The following DLG1 variants were observed in gnomAD, a reference collection of about 807,000 sequenced individuals.
DLG1 encodes the protein disks large homolog 1.
A neutral mutation model predicts 123.4 loss-of-function variants in DLG1; 42 were observed. The observed-to-expected ratio is 0.34, with a 90% confidence interval of 0.27 to 0.44. DLG1 has a LOEUF of 0.44. DLG1 is among the 20% of genes least tolerant of loss of function. The pLI, the probability that DLG1 is intolerant of heterozygous loss-of-function variation, is 1.00. For missense variants in DLG1, 942 were observed against 1,082.6 expected (o/e 0.87, Z 1.82); for synonymous variants, 317 against 356.2 (o/e 0.89, Z 1.24).
rs181862489 is a variant in DLG1 at position 197,288,493 on chromosome 3, G to A, written c.152-5648C>T. Among the ~76,000 whole-genome samples, 66 of 151,198 alleles carry A rather than the reference G, an allele frequency of 4.4e-4. 1 individual carries two copies. The East Asian group carries it at 0.012, about 28-fold the overall frequency. On this transcript the variant is annotated intron_variant, in intron 3 of 24. Transcript: ENST00000667157. ...TCCCAGCACTTCGAGAGGCTGAGGCGGGCGGATCACCTGAGGTCAGGAGTT... is the reference window on the plus strand; with the variant it reads ...TCCCAGCACTTCGAGAGGCTGAGGCAGGCGGATCACCTGAGGTCAGGAGTT...
Position 197,217,793 on chromosome 3 carries a change from G to A in DLG1, c.319-23204C>T, listed in dbSNP as rs189679985. ...GGAGAGAAGAGAACAGGGAAGGACA[G>A]GAGGGAGGGACTGAAAAGCAGCTTT... On this transcript the variant is annotated intron_variant, in intron 4 of 24. Transcript: ENST00000667157. Among the ~76,000 whole-genome samples the A allele has an allele frequency of 8.7e-3, 1,321 of 152,306 alleles. 9 individuals are homozygous for A. Among genetic ancestry groups the A allele is most frequent in the Non-Finnish European group, 0.012 (847 of 68,020 alleles).
At chr3:197,234,057 A>G (rs1744681126) in intron 4 of DLG1, among the ~76,000 whole-genome samples, 1 of 152,254 alleles carries the variant, frequency 6.6e-6, no homozygotes, top group Non-Finnish European at 1.5e-5. Context: ...GCTGTGGCTG[A>G]GCGCCAATGA....
intron 14 of DLG1, among the ~76,000 whole-genome samples, chr3:197,100,674 G>C (rs1376677369): frequency 6.6e-6 from 1 of 152,100 alleles, no homozygotes; most frequent in Non-Finnish European, 1.5e-5. Context: ...AGTAAGAACA[G>C]GGTATGGAGA....
Position 197,138,384 on chromosome 3 carries a change from C to A in DLG1, c.721G>T (p.Asp241Tyr). 7.3e-7 allele frequency: 1 copy of A among 1,373,766 alleles called. No individual in the cohort carries two copies. The highest frequency in any genetic ancestry group is 2.3e-5 in the South Asian group (1 of 43,968). The allele number at this position is 1,373,766 out of a possible 1,614,324, so 85.1% of individuals were successfully genotyped here. ...AAQDGRLRVNDCILRVNEVDV... is the reference protein window; with the variant it reads ...AAQDGRLRVNYCILRVNEVDV... The stretch of plus-strand genomic sequence containing the variant: ...ACTTCATTTACTCGTAATATACAGT[C>A]ATTGACCCTGAGAAAACAATTAAAT... Residue 241 changes from aspartate to tyrosine, a missense_variant, in exon 9 of 25, where the codon GAC becomes TAC. By Grantham distance (160) the Asp-to-Tyr change is radical. Coordinates refer to ENST00000667157, the MANE Select transcript of DLG1 (RefSeq NM_001366207.1).
intron 5 of DLG1, among the ~76,000 whole-genome samples, chr3:197,183,287 G>C (rs981522597): frequency 6.6e-6 from 1 of 152,140 alleles, no homozygotes; most frequent in East Asian, 1.9e-4. Context: ...AAAAGGAGAT[G>C]AGCATTATTA....
At chr3:197,168,792 G>A (rs1003515145) in intron 5 of DLG1, among the ~76,000 whole-genome samples, 3 of 152,084 alleles carry the variant, frequency 2.0e-5, no homozygotes, top group South Asian at 2.1e-4. Flanking sequence ...TTGACCATGT[G>A]ACTAGCAACG....
intron 5 of DLG1, among the ~76,000 whole-genome samples, chr3:197,172,791 C>T (rs1804887635): frequency 6.6e-6 from 1 of 152,140 alleles, no homozygotes; most frequent in African/African-American, 2.4e-5. Flanking sequence ...AAAAAATTGC[C>T]AGTTTCATGT....
At chr3:197,063,912 A>C (rs1265975486) in intron 22 of DLG1, among the ~76,000 whole-genome samples, 1 of 149,968 alleles carries the variant, frequency 6.7e-6, no homozygotes, top group Non-Finnish European at 1.5e-5. Flanking sequence ...AATTTAGAGT[A>C]GTCTTCTTAA....
intron 4 of DLG1, among the ~76,000 whole-genome samples, chr3:197,272,349 T>C (rs1764269294): frequency 6.8e-6 from 1 of 147,772 alleles, no homozygotes; most frequent in Non-Finnish European, 1.5e-5. Context: ...AGACCTCCTC[T>C]AAGGAAAAAA....
intron 11 of DLG1, among the ~76,000 whole-genome samples, chr3:197,121,711 T>A (rs1776464749): frequency 6.6e-6 from 1 of 150,910 alleles, no homozygotes; most frequent in Non-Finnish European, 1.5e-5. Context: ...CTATTCTTGC[T>A]AAAAATATTT....
chr3:197,144,833 G>C (rs1206469899), intron 6 of DLG1, among the ~76,000 whole-genome samples: 1 of 152,062 alleles, frequency 6.6e-6, no homozygotes, highest in East Asian at 1.9e-4. Flanking sequence ...TTTATATAGA[G>C]AGAGTTGGGA....
At chr3:197,283,039 G>A (rs1190173327) in intron 3 of DLG1, among the ~76,000 whole-genome samples, 194 bp from the exon 4 acceptor site, 1 of 152,176 alleles carries the variant, frequency 6.6e-6, no homozygotes, top group African/African-American at 2.4e-5. Context: ...GCAGGGCACA[G>A]TGTAAAATTC....
chr3:197,062,123 T>A (rs886449568), intron 22 of DLG1, among the ~76,000 whole-genome samples: 1 of 152,218 alleles, frequency 6.6e-6, no homozygotes, highest in Non-Finnish European at 1.5e-5. Flanking sequence ...TACGTCCCAA[T>A]AAACCCATCA....
chr3:197,044,934 G>T (rs1013679724), intron 24 of DLG1, among the ~76,000 whole-genome samples: 4 of 151,946 alleles, frequency 2.6e-5, no homozygotes, highest in African/African-American at 4.8e-5. Context: ...TCTTAAAAAT[G>T]GATCAAAAAG....
intron 4 of DLG1, among the ~76,000 whole-genome samples, chr3:197,281,201 C>A (rs1769195123): frequency 6.6e-6 from 1 of 152,106 alleles, no homozygotes; most frequent in Non-Finnish European, 1.5e-5. Flanking sequence ...CCATGCTCAG[C>A]TAATTTTTGT....
chr3:197,297,264 G>T, intron 1 of DLG1, 29 bp from the exon 2 acceptor site: 1 of 1,611,948 alleles, frequency 6.2e-7, no homozygotes. Flanking sequence ...AAAGGAAAAA[G>T]GATAGAATCA....
At chr3:197,281,983 C>T (rs188684017) in intron 4 of DLG1, among the ~76,000 whole-genome samples, 1 of 152,276 alleles carries the variant, frequency 6.6e-6, no homozygotes, top group East Asian at 1.9e-4. Context: ...AGGCACAGCA[C>T]CATCTTACAC....
chr3:197,122,396 G>A (rs1776895037), intron 11 of DLG1, among the ~76,000 whole-genome samples: 1 of 151,996 alleles, frequency 6.6e-6, no homozygotes, highest in South Asian at 2.1e-4. Context: ...TTGTGAACAT[G>A]ACAGTGATAT....
chr3:197,265,100 T>C (rs934103259), intron 4 of DLG1, among the ~76,000 whole-genome samples: 19 of 152,218 alleles, frequency 1.2e-4, no homozygotes, highest in African/African-American at 4.6e-4. Flanking sequence ...AGTACCCAAC[T>C]GGCACTGAGT....
Sources: allele counts gnomAD v4.1 joint callset (sites outside exome capture counted in the v4.1 genomes callset), GRCh38; gene constraint gnomAD v4.1.1; transcripts MANE v1.5; gene names NCBI Gene and HGNC (gene_info 2026-07-23, HGNC 2026-07-21).